Variants in SPOCK1 observed in about 807,000 individuals in gnomAD.
SPOCK1 encodes SPARC (osteonectin), cwcv and kazal like domains proteoglycan 1.
SPOCK1 carries 23 observed loss-of-function variants against 55.3 expected under a neutral mutation model. The ratio of observed to expected loss-of-function variants is 0.42; its 90% confidence interval spans 0.30 to 0.59. SPOCK1 has a LOEUF of 0.59. Ranked by LOEUF, SPOCK1 falls within the 20% of genes least tolerant of loss-of-function variation. The pLI, the probability that SPOCK1 is intolerant of heterozygous loss-of-function variation, is 0.22. For synonymous variants in SPOCK1, 226 were observed against 221.0 expected, an observed-to-expected ratio of 1.02 and a Z score of -0.20; for missense variants, 499 against 552.5, an observed-to-expected ratio of 0.90 and a Z score of 0.97.
chr5:137,249,367 T>G (rs1332251020), intron 3 of SPOCK1, among the ~76,000 whole-genome samples: 1 of 152,194 alleles, frequency 6.6e-6, no homozygotes. Context: ...GGAATCATGG[T>G]TAAATAAATA....
intron 2 of SPOCK1, among the ~76,000 whole-genome samples, chr5:137,448,465 G>A (rs1753177268): frequency 1.3e-5 from 2 of 152,040 alleles, no homozygotes; most frequent in African/African-American, 4.8e-5. Flanking sequence ...ACTGTGAAGT[G>A]CAACCCCAGA....
At chr5:137,030,811 TA>T (rs1438927749) in intron 6 of SPOCK1, among the ~76,000 whole-genome samples, 2 of 152,136 alleles carry the variant, frequency 1.3e-5, no homozygotes, top group African/African-American at 4.8e-5. Flanking sequence ...ATATTTTGAA[TA>T]GCAAAAAAAA....
At chr5:137,384,783 C>A (rs2127176548) in intron 2 of SPOCK1, among the ~76,000 whole-genome samples, 1 of 152,132 alleles carries the variant, frequency 6.6e-6, no homozygotes, top group Non-Finnish European at 1.5e-5. Flanking sequence ...TGTCAAATAA[C>A]CCTTTCCTTT....
intron 2 of SPOCK1, among the ~76,000 whole-genome samples, chr5:137,451,364 G>C (rs146109381): frequency 2.5e-4 from 38 of 152,262 alleles, no homozygotes; most frequent in African/African-American, 8.7e-4. Context: ...CCAAGCTCAC[G>C]TTTCAGCCTT....
chr5:137,105,868 G>A (rs974225105), intron 5 of SPOCK1, among the ~76,000 whole-genome samples: 5 of 152,184 alleles, frequency 3.3e-5, no homozygotes, highest in African/African-American at 1.2e-4. Flanking sequence ...AGAATGTCAG[G>A]GGGAGGGGAG....
chr5:137,111,730 T>C (rs1753478257), intron 5 of SPOCK1, among the ~76,000 whole-genome samples: 1 of 152,150 alleles, frequency 6.6e-6, no homozygotes, highest in Non-Finnish European at 1.5e-5. Context: ...AATCCTATTA[T>C]TAGAGCTTAG....
chr5:137,281,915 C>A (rs1757171638), intron 2 of SPOCK1, among the ~76,000 whole-genome samples: 1 of 152,316 alleles, frequency 6.6e-6, no homozygotes, highest in African/African-American at 2.4e-5. Flanking sequence ...GTTTCCTGGT[C>A]TAAAACATGA....
chr5:137,442,932 G>A (rs1032339531), intron 2 of SPOCK1, among the ~76,000 whole-genome samples: 1 of 152,146 alleles, frequency 6.6e-6, no homozygotes, highest in African/African-American at 2.4e-5. Flanking sequence ...ACAGAGAAAT[G>A]AGCCCAGTGG....
At chr5:137,325,687 T>C (rs1758062621) in intron 2 of SPOCK1, among the ~76,000 whole-genome samples, 1 of 152,106 alleles carries the variant, frequency 6.6e-6, no homozygotes, top group South Asian at 2.1e-4. Flanking sequence ...GACCTCTCAT[T>C]TGTGGGGGAG....
chr5:137,089,521 A>G (rs966762371), intron 5 of SPOCK1, among the ~76,000 whole-genome samples: 7 of 152,156 alleles, frequency 4.6e-5, no homozygotes, highest in Non-Finnish European at 1.5e-5. Context: ...TCTTCTCTGT[A>G]CCTAGGACCT....
intron 3 of SPOCK1, among the ~76,000 whole-genome samples, chr5:137,228,272 T>C (rs569292048): frequency 6.6e-6 from 1 of 152,342 alleles, no homozygotes; most frequent in East Asian, 1.9e-4. Flanking sequence ...ACCATCCAAG[T>C]GAGACTTCAG....
In SPOCK1 at chr5:137,069,478, A is replaced by G. The variant is rs79723095; in HGVS notation, c.475-1649T>C. Among the ~76,000 whole-genome samples the G allele has an allele frequency of 6.6e-3, 1,009 of 152,290 alleles. 12 individuals carry two copies. Among genetic ancestry groups the G allele is most frequent in the African/African-American group, 0.023 (939 of 41,558 alleles). On this transcript the variant is annotated intron_variant, in intron 5 of 10. Coordinates refer to ENST00000394945, the MANE Select transcript of SPOCK1 (RefSeq NM_004598.4). ...AGCAAAAAAGAGTGTGTCCTTGTAAAGCCATGTGGATGTGACTATGAGGTG... is the reference window on the plus strand; with the variant it reads ...AGCAAAAAAGAGTGTGTCCTTGTAAGGCCATGTGGATGTGACTATGAGGTG...
intron 3 of SPOCK1, among the ~76,000 whole-genome samples, chr5:137,263,790 A>T (rs1756797014): frequency 6.6e-6 from 1 of 152,148 alleles, no homozygotes; most frequent in Non-Finnish European, 1.5e-5. Flanking sequence ...ATTCTTAGAA[A>T]AGTCTGAAGT....
chr5:137,386,006 G>A (rs1260894399), intron 2 of SPOCK1, among the ~76,000 whole-genome samples: 1 of 152,154 alleles, frequency 6.6e-6, no homozygotes, highest in African/African-American at 2.4e-5. Context: ...AAAAGCAGGT[G>A]GTGGCTAATA....
intron 2 of SPOCK1, among the ~76,000 whole-genome samples, chr5:137,483,409 G>A (rs986266098): frequency 2.4e-4 from 37 of 152,114 alleles, no homozygotes; most frequent in African/African-American, 7.5e-4. Flanking sequence ...AAAGTCAAAC[G>A]TCACAAACAA....
At chr5:137,275,569 T>C (rs1156592291) in intron 2 of SPOCK1, among the ~76,000 whole-genome samples, 1 of 152,200 alleles carries the variant, frequency 6.6e-6, no homozygotes, top group Non-Finnish European at 1.5e-5. Context: ...GTGATTCTAA[T>C]GTGCAGCCTC....
intron 2 of SPOCK1, among the ~76,000 whole-genome samples, chr5:137,436,011 C>T (rs575200135): frequency 4.8e-4 from 10 of 20,756 alleles, no homozygotes; most frequent in Middle Eastern, 0.038. Flanking sequence ...AAAAATTAGC[C>T]GAGTGTTGGT....
chr5:137,209,673 T>C (rs1755575765), intron 3 of SPOCK1, among the ~76,000 whole-genome samples: 1 of 152,142 alleles, frequency 6.6e-6, no homozygotes, highest in Non-Finnish European at 1.5e-5. Context: ...GTCAGTCAAA[T>C]CAGGACAAAA....
chr5:136,984,177 C>CAACT (rs1291910562), intron 9 of SPOCK1, among the ~76,000 whole-genome samples: 1 of 152,184 alleles, frequency 6.6e-6, no homozygotes, highest in Non-Finnish European at 1.5e-5. Context: ...GAAATCCTGA[C>CAACT]AACTTTGGGG....
Sources: allele counts gnomAD v4.1 joint callset (sites outside exome capture counted in the v4.1 genomes callset), GRCh38; gene constraint gnomAD v4.1.1; transcripts MANE v1.5; gene names NCBI Gene and HGNC (gene_info 2026-07-23, HGNC 2026-07-21).